The following CFAP221 variants were observed in gnomAD, a reference collection of about 807,000 sequenced individuals.
The protein encoded by CFAP221 is cilia- and flagella-associated protein 221.
In CFAP221, 97 loss-of-function variants were observed where a neutral mutation model predicts 113.1. The ratio of observed to expected loss-of-function variants is 0.86; its 90% CI spans 0.73 to 1.02. The LOEUF is 1.02. CFAP221 is among the 50% of genes least tolerant of loss of function. The pLI, the probability that CFAP221 is intolerant of heterozygous loss-of-function variation, is 0.00. For missense variants in CFAP221, 1,025 were observed against 1,013.4 expected (o/e 1.01, Z -0.16); for synonymous variants, 331 against 354.4 (o/e 0.93, Z 0.74).
At chr2:119,630,710 A>G (rs1377828221) in intron 18 of CFAP221, 33 bp downstream of exon 18, 2 of 1,605,246 alleles carry the variant, frequency 1.2e-6, no homozygotes, top group East Asian at 4.5e-5. Flanking sequence ...AATCTCTCTC[A>G]TCTTTTCCCT....
At chr2:119,640,262 C>T (rs1459372999) in intron 21 of CFAP221, among the ~76,000 whole-genome samples, 2 of 151,900 alleles carry the variant, frequency 1.3e-5, no homozygotes, top group African/African-American at 2.4e-5. Context: ...ATTAGCCTTC[C>T]GCAGTCTCTG....
chr2:119,606,425 G>T (rs564716980), intron 11 of CFAP221, among the ~76,000 whole-genome samples: 1 of 152,024 alleles, frequency 6.6e-6, no homozygotes, highest in Non-Finnish European at 1.5e-5. Flanking sequence ...CTCTGAAGGT[G>T]CCCACCGGGC....
intron 22 of CFAP221, among the ~76,000 whole-genome samples, chr2:119,651,188 T>C (rs1195774063): frequency 6.6e-6 from 1 of 152,178 alleles, no homozygotes; most frequent in Admixed American, 6.5e-5. Context: ...CCTGCTTTGC[T>C]CCAGCTGAAA....
intron 6 of CFAP221, among the ~76,000 whole-genome samples, chr2:119,578,944 C>T (rs1174864254): frequency 1.3e-5 from 2 of 152,028 alleles, no homozygotes; most frequent in Non-Finnish European, 2.9e-5. Context: ...ATTTGAATTT[C>T]TATTAAGTCA....
Position 119,559,842 on chromosome 2 carries a change from G to T in CFAP221, c.327+67G>T. ...TCTGCGTCTCAGGCCTGTGTGGGGT[G>T]GGGGGTGTGTGGTGTGTTGTCACCC... On this transcript the variant is annotated intron_variant, in intron 4 of 23. Coordinates refer to ENST00000413369, the MANE Select transcript of CFAP221 (RefSeq NM_001271049.2). 4.1e-6 allele frequency: 6 copies of T among 1,465,496 alleles called. 1 individual carries two copies. In the South Asian group the frequency reaches 4.8e-5, roughly 12 times the overall value. The allele number at this position is 1,465,496 out of a possible 1,614,324, so 90.8% of individuals were successfully genotyped here.
intron 22 of CFAP221, among the ~76,000 whole-genome samples, chr2:119,647,855 A>C (rs915635820): frequency 3.3e-5 from 5 of 152,220 alleles, no homozygotes; most frequent in African/African-American, 1.2e-4. Context: ...AAGGTTGTAT[A>C]CAAACTCATC....
At position 119,560,045 on chromosome 2, in the gene CFAP221, CTTTTTTTT is replaced by C. The variant is rs35631078; in HGVS notation, c.426+32_426+39del. 5 of 875,948 alleles carry C rather than the reference CTTTTTTTT, an allele frequency of 5.7e-6. No homozygotes were observed. Among genetic ancestry groups the C allele is most frequent in the Admixed American group, 3.2e-5 (1 of 31,558 alleles). 54.3% of individuals were successfully genotyped at this position (875,948 alleles called of 1,614,324 possible). ...CTGTAAGGTAGGTCTCTTAAAATTG[CTTTTTTTT>C]TTTTTTTTTTTTGATGGTGGGTTAA... On this transcript the variant is annotated intron_variant, in intron 5 of 23. Coordinates refer to ENST00000413369, the MANE Select transcript of CFAP221 (RefSeq NM_001271049.2).
chr2:119,584,416 A>C (rs1683060428), intron 6 of CFAP221, among the ~76,000 whole-genome samples: 1 of 152,028 alleles, frequency 6.6e-6, no homozygotes, highest in South Asian at 2.1e-4. Flanking sequence ...GTGGGAACTC[A>C]TCTCTACAAA....
intron 23 of CFAP221, among the ~76,000 whole-genome samples, 190 bp downstream of exon 23, chr2:119,652,259 CAAGT>C (rs1574243350): frequency 6.6e-6 from 1 of 152,188 alleles, no homozygotes; most frequent in East Asian, 1.9e-4. Flanking sequence ...ATCTTGTTAT[CAAGT>C]AAGCCTTTAA....
intron 21 of CFAP221, among the ~76,000 whole-genome samples, chr2:119,646,192 A>G (rs1193675076): frequency 6.6e-6 from 1 of 152,230 alleles, no homozygotes; most frequent in Non-Finnish European, 1.5e-5. Context: ...AAGGAGTATA[A>G]AGGTGGAGGG....
intron 1 of CFAP221, chr2:119,545,287 T>A (rs777963441): frequency 6.6e-6 from 1 of 152,244 alleles, no homozygotes; most frequent in South Asian, 2.1e-4. Context: ...AGAGATTTAG[T>A]TGTGCAATAT....
chr2:119,584,325 G>C (rs1192605227), intron 6 of CFAP221, among the ~76,000 whole-genome samples: 2 of 152,168 alleles, frequency 1.3e-5, no homozygotes, highest in African/African-American at 4.8e-5. Flanking sequence ...GATGTCTCAT[G>C]CATGTAATCC....
At chr2:119,615,486 C>T in intron 13 of CFAP221, 125 bp from the exon 14 acceptor site, 1 of 713,694 alleles carries the variant, frequency 1.4e-6, no homozygotes, top group South Asian at 2.0e-5. Flanking sequence ...AATAAATGCT[C>T]ACTAAGCAAT....
chr2:119,558,692 G>A (rs1239615762), intron 3 of CFAP221, among the ~76,000 whole-genome samples: 3 of 152,036 alleles, frequency 2.0e-5, no homozygotes, highest in Non-Finnish European at 4.4e-5. Flanking sequence ...GCATGGTGGT[G>A]CATGCCTATA....
At position 119,630,779 on chromosome 2, in the gene CFAP221, A is replaced by G. The variant is rs1199233616; in HGVS notation, c.1852A>G (p.Thr618Ala). The G allele has an allele frequency of 5.0e-6, 8 of 1,610,478 alleles. No individual in the cohort carries two copies. Among genetic ancestry groups the G allele is most frequent in the Non-Finnish European group, 5.9e-6 (7 of 1,177,064 alleles). ...LKQGAEDEVT[T>A]ITALPKQDST... ...TGCTCCTTGTTAGGATGAAGTCACC[A>G]CCATCACAGCCCTTCCGAAACAGGA... is the stretch of plus-strand genomic sequence containing the variant. Residue 618 changes from threonine (T) to alanine (A), a missense_variant, in exon 19 of 24, where the codon ACC becomes GCC. Thr to Ala is a moderately conservative substitution (Grantham distance 58, BLOSUM62 0). Coordinates refer to ENST00000413369, the MANE Select transcript of CFAP221 (RefSeq NM_001271049.2).
chr2:119,615,941 T>C (rs1685494708), intron 14 of CFAP221, among the ~76,000 whole-genome samples: 1 of 152,226 alleles, frequency 6.6e-6, no homozygotes, highest in South Asian at 2.1e-4. Context: ...GGTGCCATTT[T>C]CAGTCACTCT....
chr2:119,551,874 T>G (rs1157552195), intron 3 of CFAP221, among the ~76,000 whole-genome samples: 2 of 152,238 alleles, frequency 1.3e-5, no homozygotes, highest in Non-Finnish European at 2.9e-5. Flanking sequence ...GTCACAATTC[T>G]TTTTTATAAT....
chr2:119,595,016 A>T (rs1172683468), intron 7 of CFAP221, among the ~76,000 whole-genome samples: 1 of 152,150 alleles, frequency 6.6e-6, no homozygotes, highest in Non-Finnish European at 1.5e-5. Context: ...GGCTCCCAGG[A>T]GAGTCACCTG....
chr2:119,586,047 G>C (rs1478940544), intron 6 of CFAP221, among the ~76,000 whole-genome samples: 2 of 152,170 alleles, frequency 1.3e-5, no homozygotes. Flanking sequence ...TGTTGGCAGG[G>C]AGACCAGAAG....
Sources: allele counts gnomAD v4.1 joint callset (sites outside exome capture counted in the v4.1 genomes callset), GRCh38; gene constraint gnomAD v4.1.1; transcripts MANE v1.5; gene names NCBI Gene and HGNC (gene_info 2026-07-23, HGNC 2026-07-21).